The following DYNC2LI1 variants were observed in gnomAD, a reference collection of about 807,000 sequenced individuals.
DYNC2LI1 encodes the protein dynein cytoplasmic 2 light intermediate chain 1, also known as cytoplasmic dynein 2 light intermediate chain 1.
A neutral mutation model predicts 51.9 loss-of-function variants in DYNC2LI1; 45 were observed. The ratio of observed to expected loss-of-function variants is 0.87; its 90% confidence interval spans 0.68 to 1.11. The LOEUF (loss-of-function observed/expected upper bound fraction) is 1.11, where lower values mean the gene tolerates loss of function less well. Ranked by LOEUF, DYNC2LI1 falls within the 50% of genes most tolerant of loss-of-function variation. DYNC2LI1 has a pLI of 0.00. For missense variants in DYNC2LI1, 490 were observed against 417.4 expected, an observed-to-expected ratio of 1.17 and a Z score of -1.51; for synonymous variants, 130 against 137.8, an observed-to-expected ratio of 0.94 and a Z score of 0.40.
intron 2 of DYNC2LI1, among the ~76,000 whole-genome samples, chr2:43,777,974 T>C (rs533436152): frequency 2.0e-5 from 3 of 152,220 alleles, no homozygotes; most frequent in Admixed American, 2.0e-4. Flanking sequence ...CTGATAAAAA[T>C]TAGAAATATG....
intron 2 of DYNC2LI1, among the ~76,000 whole-genome samples, chr2:43,780,293 G>C (rs1289248551): frequency 6.6e-6 from 1 of 152,186 alleles, no homozygotes; most frequent in South Asian, 2.1e-4. Context: ...GAGGGAAAAG[G>C]CCTCCATTGG....
chr2:43,784,171 A>G (rs1673414519), intron 3 of DYNC2LI1, among the ~76,000 whole-genome samples: 1 of 152,236 alleles, frequency 6.6e-6, no homozygotes, highest in African/African-American at 2.4e-5. Flanking sequence ...TTAAGGTCAC[A>G]TTAAAGAAAC....
intron 1 of DYNC2LI1, among the ~76,000 whole-genome samples, chr2:43,775,121 C>T (rs1448309358): frequency 2.0e-5 from 3 of 152,154 alleles, no homozygotes; most frequent in Non-Finnish European, 4.4e-5. Flanking sequence ...ACAATTATGA[C>T]AATCCTATAA....
At chr2:43,824,929 A>G in the DYNC2LI1 span, 1 of 1,614,118 alleles carries the variant, frequency 6.2e-7, no homozygotes, top group Non-Finnish European at 8.5e-7. Flanking sequence ...GACAAGGGTA[A>G]CCGCAGTCAT....
chr2:43,783,618 C>A (rs190237052), intron 3 of DYNC2LI1, 64 bp downstream of exon 3: 1 of 1,051,012 alleles, frequency 9.5e-7, no homozygotes, highest in Non-Finnish European at 1.3e-6. Context: ...GGCAAGTTAG[C>A]TCTAAAAGAC....
At chr2:43,813,364 C>A, downstream of DYNC2LI1, 4 of 1,307,736 alleles carry the variant, frequency 3.1e-6, no homozygotes, top group South Asian at 1.2e-5. Context: ...GTAATTTAAT[C>A]AACAAGTATT....
chr2:43,810,119 G>C (rs899425253), downstream of DYNC2LI1: 40 of 392,414 alleles, frequency 1.0e-4, 1 homozygote, highest in Admixed American at 1.3e-4. Flanking sequence ...GCAAGGTTAA[G>C]TGCCCACGTT....
the DYNC2LI1 span, among the ~76,000 whole-genome samples, chr2:43,817,367 C>G: frequency 6.6e-6 from 1 of 152,060 alleles, no homozygotes; most frequent in Admixed American, 6.5e-5. Flanking sequence ...CACCTGTAAT[C>G]CCAGCTATTC....
At chr2:43,819,949 T>C in the DYNC2LI1 span, 7 of 1,614,122 alleles carry the variant, frequency 4.3e-6, no homozygotes, top group Non-Finnish European at 5.9e-6. Flanking sequence ...ACCCCCGCAA[T>C]GGACAGCAGA....
chr2:43,828,147 G>C, the DYNC2LI1 span: 2 of 1,613,410 alleles, frequency 1.2e-6, no homozygotes, highest in East Asian at 2.2e-5. Context: ...GGAAGGCTGG[G>C]AGTCTCTGTG....
At position 43,794,554 on chromosome 2, in the gene DYNC2LI1, A is replaced by C; in HGVS notation, c.418A>C (p.Lys140Gln). The change falls in exon 6 of 13, where the codon AAA becomes CAA. Residue 140 changes from lysine to glutamine, a missense_variant. Coordinates refer to ENST00000260605, the MANE Select transcript of DYNC2LI1 (RefSeq NM_016008.4). ...GCAAGCCACAAAAAGCCATGTAGAC[A>C]AAGTGATAATGAAACTGGGAAAGAC... is the stretch of plus-strand genomic sequence containing the variant. ...LLQATKSHVD[K>Q]VIMKLGKTNA... 6.2e-7 allele frequency: 1 copy of C among 1,614,106 alleles called. No individual in the cohort carries two copies. Among genetic ancestry groups the C allele is most frequent in the Non-Finnish European group, 8.5e-7 (1 of 1,179,998 alleles).
At chr2:43,789,506 A>C in intron 4 of DYNC2LI1, 127 bp from the exon 5 acceptor site, 1 of 726,914 alleles carries the variant, frequency 1.4e-6, no homozygotes, top group Non-Finnish European at 2.2e-6. Context: ...AAAGGAAAAA[A>C]TTTTGACTGC....
At chr2:43,784,797 T>C (rs1673444462) in intron 3 of DYNC2LI1, among the ~76,000 whole-genome samples, 1 of 152,168 alleles carries the variant, frequency 6.6e-6, no homozygotes, top group East Asian at 1.9e-4. Context: ...TTCTAAAATA[T>C]AGGTTAAATA....
At chr2:43,822,662 T>C in the DYNC2LI1 span, 1 of 1,551,962 alleles carries the variant, frequency 6.4e-7, no homozygotes, top group Non-Finnish European at 8.7e-7. Context: ...GATACGACAT[T>C]GCACTAGACA....
chr2:43,774,163 G>C lies in DYNC2LI1; in HGVS notation c.8+17G>C, dbSNP rs1324418120. ...GATGCCCAGGTATTCCCTGAACCCG[G>C]CTTGCGTGGGAAAGGCTACTGAGAG... On this transcript the variant is annotated intron_variant, in intron 1 of 12. Coordinates refer to ENST00000260605, the MANE Select transcript of DYNC2LI1 (RefSeq NM_016008.4). The C allele has an allele frequency of 6.2e-7, 1 of 1,613,706 alleles. No homozygotes were observed. Among genetic ancestry groups the C allele is most frequent in the Non-Finnish European group, 8.5e-7 (1 of 1,179,852 alleles).
rs1355069050 is a variant in DYNC2LI1 at position 43,775,718 on chromosome 2, C to G, written c.9-1064C>G. 3 of 374,418 alleles carry G rather than the reference C, an allele frequency of 8.0e-6. No homozygotes were observed. In the Admixed American group the frequency reaches 1.0e-4, roughly 12 times the overall value. 23.2% of individuals were successfully genotyped at this position (374,418 alleles called of 1,614,324 possible). A position where few individuals can be genotyped will look rare whatever the true frequency, so the allele number is the denominator to read the frequency against. On this transcript the variant is annotated intron_variant, in intron 1 of 12. Coordinates refer to ENST00000260605, the MANE Select transcript of DYNC2LI1 (RefSeq NM_016008.4). ...TTTTTTTTTTTTTTAGACAGAGTCT[C>G]GCTCTGTTGCCCAGGCTGGAGTGCA...
intron 1 of DYNC2LI1, 22 bp from the exon 2 acceptor site, chr2:43,776,760 G>A (rs762604484): frequency 2.3e-5 from 28 of 1,241,814 alleles, no homozygotes; most frequent in Non-Finnish European, 2.9e-5. Flanking sequence ...CCTCAATTTT[G>A]TTTTTTCTGC....
Position 43,796,781 on chromosome 2 carries a change from G to A in DYNC2LI1, c.640G>A (p.Gly214Arg). 1 of 1,613,464 alleles carries A rather than the reference G, an allele frequency of 6.2e-7. No individual in the cohort carries two copies. Among genetic ancestry groups the A allele is most frequent in the Non-Finnish European group, 8.5e-7 (1 of 1,179,636 alleles). The change falls in exon 8 of 13, where the codon GGA (glycine) becomes AGA (arginine). Residue 214 changes from glycine to arginine, a missense_variant. Physicochemically the swap from Gly to Arg is moderately radical, Grantham distance 125. Coordinates refer to ENST00000260605, the MANE Select transcript of DYNC2LI1 (RefSeq NM_016008.4). ...ACTTCGATTTGTTGCACATTATTAT[G>A]GAGCATCATTAATGGTTTGTACATT... Reference protein sequence around the residue: ...KTLRFVAHYYGASLMFTSKSE... With the variant: ...KTLRFVAHYYRASLMFTSKSE...
At chr2:43,798,933 A>G (rs528897357) in intron 8 of DYNC2LI1, among the ~76,000 whole-genome samples, 5 of 151,516 alleles carry the variant, frequency 3.3e-5, no homozygotes, top group African/African-American at 1.2e-4. Flanking sequence ...TTTTTTTCCA[A>G]CACTATAGTT....
Sources: gnomAD v4.1 joint callset for allele counts (sites outside exome capture counted in the v4.1 genomes callset) on GRCh38, gnomAD v4.1.1 for gene constraint, MANE v1.5 for transcripts, NCBI Gene and HGNC (gene_info 2026-07-23, HGNC 2026-07-21) for gene names.